The following CCR6 variants were observed in gnomAD, a reference collection of about 807,000 sequenced individuals.
CCR6 encodes C-C chemokine receptor type 6.
Under a neutral mutation model 3.0 loss-of-function variants are expected in CCR6, and 2 were observed. The observed-to-expected ratio is 0.66, with a 90% CI of 0.27 to 2.07. The LOEUF is 2.07. Ranked by LOEUF, CCR6 falls within the 30% of genes most tolerant of loss-of-function variation. The pLI is 0.14. For synonymous variants in CCR6, 193 were observed against 184.3 expected, an observed-to-expected ratio of 1.05 and a Z score of -0.38; for missense variants, 322 against 462.8, an observed-to-expected ratio of 0.70 and a Z score of 2.79.
intron 1 of CCR6, among the ~76,000 whole-genome samples, chr6:167,125,287 A>G (rs1381322112): frequency 1.3e-5 from 2 of 152,252 alleles, no homozygotes; most frequent in Non-Finnish European, 2.9e-5. Flanking sequence ...ATTACCAGTA[A>G]TATTTTCATA....
intron 1 of CCR6, among the ~76,000 whole-genome samples, chr6:167,123,707 C>G (rs778223395): frequency 2.4e-4 from 36 of 152,142 alleles, no homozygotes; most frequent in Non-Finnish European, 4.1e-4. Context: ...GAGAAATTGA[C>G]AAGGTGGAAA....
chr6:167,133,101 G>A (rs2114934160), intron 1 of CCR6, among the ~76,000 whole-genome samples: 1 of 152,214 alleles, frequency 6.6e-6, no homozygotes, highest in East Asian at 1.9e-4. Context: ...GTCTTTCAAA[G>A]AGCAGAAGTT....
At chr6:167,130,278 G>A (rs1781733133) in intron 1 of CCR6, among the ~76,000 whole-genome samples, 1 of 151,766 alleles carries the variant, frequency 6.6e-6, no homozygotes, top group Non-Finnish European at 1.5e-5. Context: ...ACAGGGCTCA[G>A]CACATTTCCC....
intron 1 of CCR6, chr6:167,114,928 T>C (rs1781471038): frequency 6.6e-6 from 1 of 152,272 alleles, no homozygotes; most frequent in Non-Finnish European, 1.5e-5. Flanking sequence ...GATCATTTGA[T>C]AGGAGATCCC....
In CCR6 at chr6:167,127,857, G is replaced by C. The variant is rs375705089; in HGVS notation, c.-98+4634G>C. 9.2e-5 allele frequency among the ~76,000 whole-genome samples: 14 copies of C among 152,298 alleles called. No homozygotes were observed. In the East Asian group the frequency reaches 1.4e-3, roughly 15 times the overall value. ...TTCTTTCCACTAGTAAGTACTATTT[G>C]CATGTTTACAAGGAGATCTGGTCCT... On this transcript the variant is annotated intron_variant, in intron 1 of 2. Transcript: ENST00000341935.
In CCR6 at chr6:167,137,690, A is replaced by T. The variant is rs538687486; in HGVS notation, c.*335A>T. On this transcript the variant is annotated 3_prime_UTR_variant, in exon 3 of 3. Transcript: ENST00000341935. This position sits in a 1 kb window ranked among gnomAD's most constrained non-coding sequence, Gnocchi z 4.6. ...TTTCAGAAATATTCATGAAGCGGTC[A>T]CAGATCACAGTGTCTTTTGGTTACA... The T allele has an allele frequency of 5.1e-6, 1 of 195,764 alleles. No homozygotes were observed. Among genetic ancestry groups the T allele is most frequent in the South Asian group, 1.2e-4 (1 of 8,424 alleles). 12.1% of individuals were successfully genotyped at this position (195,764 alleles called of 1,614,324 possible).
chr6:167,120,526 C>T (rs746012144), upstream of CCR6, among the ~76,000 whole-genome samples: 20 of 152,224 alleles, frequency 1.3e-4, no homozygotes, highest in East Asian at 1.9e-4. Context: ...CAAGGAGAAA[C>T]GGTCATGGTG....
At chr6:167,133,380 C>T (rs536179999) in intron 1 of CCR6, among the ~76,000 whole-genome samples, 92 of 152,268 alleles carry the variant, frequency 6.0e-4, no homozygotes, top group African/African-American at 2.1e-3. Context: ...CATTGAGTTA[C>T]CTTGGCACCT....
intron 1 of CCR6, among the ~76,000 whole-genome samples, chr6:167,113,406 G>T (rs1781443977): frequency 6.6e-6 from 1 of 152,244 alleles, no homozygotes; most frequent in South Asian, 2.1e-4. Flanking sequence ...ACAGCCAGGT[G>T]CAGTCAAGAG....
At chr6:167,135,427 C>T (rs936717934) in intron 1 of CCR6, among the ~76,000 whole-genome samples, 5 of 152,208 alleles carry the variant, frequency 3.3e-5, no homozygotes, top group African/African-American at 4.8e-5. Context: ...TCCTCTCCAG[C>T]GCCTTCCCAG....
chr6:167,128,691 C>G (rs928388246), intron 1 of CCR6, among the ~76,000 whole-genome samples: 1 of 152,170 alleles, frequency 6.6e-6, no homozygotes, highest in African/African-American at 2.4e-5. Context: ...CTTGCTTCAG[C>G]CTCTTGAGTA....
chr6:167,136,081 G>A lies in CCR6; in HGVS notation c.-54G>A. On this transcript the variant is annotated 5_prime_UTR_variant, in exon 2 of 3. Transcript: ENST00000341935. The surrounding 1 kb of genome is among the most constrained non-coding windows in gnomAD (Gnocchi z 4.6). Reference sequence around the variant, plus strand: ...GCTACCGCTGCCTGTGAGCTGAAGGGGCTGAACCATACACTCCTTTTTCTA... The same window carrying A: ...GCTACCGCTGCCTGTGAGCTGAAGGAGCTGAACCATACACTCCTTTTTCTA... 1 of 1,604,542 alleles carries A rather than the reference G, an allele frequency of 6.2e-7. No homozygotes were observed. Among genetic ancestry groups the A allele is most frequent in the African/African-American group, 1.3e-5 (1 of 74,492 alleles).
At chr6:167,118,985 G>T (rs56155472), upstream of CCR6, among the ~76,000 whole-genome samples, 6 of 152,020 alleles carry the variant, frequency 3.9e-5, 1 homozygote, top group African/African-American at 1.5e-4. Context: ...CCGTAAACTC[G>T]CTCCCTGTCC....
upstream of CCR6, among the ~76,000 whole-genome samples, chr6:167,118,182 C>T (rs1285623931): frequency 2.6e-5 from 4 of 152,268 alleles, no homozygotes; most frequent in Admixed American, 6.5e-5. Flanking sequence ...GTAACTTCCA[C>T]CCCCATCTCT....
At chr6:167,135,698 C>T (rs563221554) in intron 1 of CCR6, among the ~76,000 whole-genome samples, 1 of 152,280 alleles carries the variant, frequency 6.6e-6, no homozygotes, top group African/African-American at 2.4e-5. Context: ...TCTGAGAGCA[C>T]CTTATTTAAC....
upstream of CCR6, among the ~76,000 whole-genome samples, chr6:167,122,092 G>A (rs1781597982): frequency 1.3e-5 from 2 of 152,150 alleles, no homozygotes; most frequent in South Asian, 4.1e-4. The surrounding 1 kb of genome is among the most constrained non-coding windows in gnomAD (Gnocchi z 4.2). Flanking sequence ...CTGCAGGAAG[G>A]AGCGACCCAG....
chr6:167,127,980 C>T (rs1417971196), intron 1 of CCR6, among the ~76,000 whole-genome samples: 1 of 152,234 alleles, frequency 6.6e-6, no homozygotes, highest in Non-Finnish European at 1.5e-5. Flanking sequence ...TTTTTAGCTT[C>T]TCAGGGCAAC....
At chr6:167,114,869 A>G (rs563508977) in intron 1 of CCR6, 1 of 152,346 alleles carries the variant, frequency 6.6e-6, no homozygotes, top group African/African-American at 2.4e-5. Flanking sequence ...TCACAGATCC[A>G]AGGGAGGAGG....
chr6:167,133,389 C>G (rs1781799346), intron 1 of CCR6, among the ~76,000 whole-genome samples: 1 of 152,128 alleles, frequency 6.6e-6, no homozygotes. Context: ...ACCTTGGCAC[C>G]TAAGTTAAAA....
Sources: allele counts gnomAD v4.1 joint callset (sites outside exome capture counted in the v4.1 genomes callset), GRCh38; gene constraint gnomAD v4.1.1; non-coding constraint Gnocchi (gnomAD v3.1); transcripts MANE v1.5; gene names NCBI Gene and HGNC (gene_info 2026-07-23, HGNC 2026-07-21).